The following RCN2 variants were observed in gnomAD, a reference collection of about 807,000 sequenced individuals.
RCN2 encodes reticulocalbin-2.
A neutral mutation model predicts 37.5 loss-of-function variants in RCN2; 23 were observed. The ratio of observed to expected loss-of-function variants is 0.61; its 90% CI spans 0.44 to 0.87. RCN2 has a LOEUF of 0.87. Among genes scored for constraint, RCN2 ranks in the 40% least tolerant of loss-of-function variants. RCN2 has a pLI of 0.00. For missense variants in RCN2, 381 were observed against 390.4 expected (o/e 0.98, Z 0.20); for synonymous variants, 140 against 144.6 (o/e 0.97, Z 0.23).
At chr15:76,940,533 A>G (rs912905688) in intron 3 of RCN2, among the ~76,000 whole-genome samples, 3 of 149,430 alleles carry the variant, frequency 2.0e-5, no homozygotes, top group African/African-American at 4.9e-5. Context: ...TCAGCTTAAT[A>G]TCTGAACTTC....
At position 76,943,887 on chromosome 15, in the gene RCN2, T is replaced by C. The variant is rs1472395959; in HGVS notation, c.561+16T>C. ...TTATATGACGGTAAGAAAGAAACATTTTTAAGAGAATTATTGAGTGACCAA... is the reference window on the plus strand; with the variant it reads ...TTATATGACGGTAAGAAAGAAACATCTTTAAGAGAATTATTGAGTGACCAA... On this transcript the variant is annotated intron_variant, in intron 4 of 6. Coordinates refer to ENST00000394885, the MANE Select transcript of RCN2 (RefSeq NM_002902.3). 2 of 1,448,640 alleles carry C rather than the reference T, an allele frequency of 1.4e-6. No individual in the cohort carries two copies. Among genetic ancestry groups the C allele is most frequent in the African/African-American group, 2.8e-5 (2 of 70,934 alleles). 89.7% of individuals were successfully genotyped at this position (1,448,640 alleles called of 1,614,324 possible).
Position 76,954,076 on chromosome 15 carries a change from A to G in RCN2, c.*4854A>G, listed in dbSNP as rs1227758057. The G allele has an allele frequency of 7.3e-6, 1 of 136,906 alleles. No individual in the cohort carries two copies. Among genetic ancestry groups the G allele is most frequent in the Admixed American group, 7.7e-5 (1 of 12,950 alleles). 8.5% of individuals were successfully genotyped at this position (136,906 alleles called of 1,614,324 possible). A position where few individuals can be genotyped will look rare whatever the true frequency, so the allele number is the denominator to read the frequency against. ...TTCTTTTTTTTTTTTAATAGTAGCC[A>G]TCCTGTTGGGTGAGACGTGGTATCT... On this transcript the variant is annotated 3_prime_UTR_variant, in exon 7 of 7. Transcript: ENST00000394885.
intron 3 of RCN2, among the ~76,000 whole-genome samples, chr15:76,940,794 T>G (rs2075274019): frequency 6.6e-6 from 1 of 152,030 alleles, no homozygotes; most frequent in Admixed American, 6.6e-5. Flanking sequence ...ACTCCTGACC[T>G]CAAGTGATCC....
rs2075334218 is a variant in RCN2, at chr15:76,953,602, T to TAA, written c.*4380_*4381insAA. On this transcript the variant is annotated 3_prime_UTR_variant, in exon 7 of 7. Coordinates refer to ENST00000394885, the MANE Select transcript of RCN2 (RefSeq NM_002902.3). ...ATATATATATATATATATTTTTTTT[T>TAA]TTTTTTTTTTTTTTTTTTTTTTTGA... 1.6e-5 allele frequency: 1 copy of TAA among 63,744 alleles called. No individual in the cohort carries two copies. The highest frequency in any genetic ancestry group is 1.6e-4 in the Admixed American group (1 of 6,422). The allele number at this position is 63,744 out of a possible 1,614,324, so 3.9% of individuals were successfully genotyped here.
At chr15:76,934,769 CTG>C (rs918063814) in intron 2 of RCN2, among the ~76,000 whole-genome samples, 2 of 152,084 alleles carry the variant, frequency 1.3e-5, no homozygotes, top group Admixed American at 6.5e-5. Context: ...ATAAAAAACA[CTG>C]TTTTTTCTCA....
intron 3 of RCN2, among the ~76,000 whole-genome samples, chr15:76,939,675 T>C (rs954064232): frequency 3.3e-5 from 5 of 152,232 alleles, no homozygotes; most frequent in African/African-American, 1.2e-4. Context: ...CAATGTAACT[T>C]ATCTAAAACC....
chr15:76,947,732 C>CA (rs2075302518), intron 5 of RCN2: 3 of 442,868 alleles, frequency 6.8e-6, no homozygotes, highest in Non-Finnish European at 1.2e-5. Context: ...TGTCTAGAGT[C>CA]AAACATTTTT....
chr15:76,937,938 A>T (rs940861277), intron 3 of RCN2, among the ~76,000 whole-genome samples: 1 of 152,208 alleles, frequency 6.6e-6, no homozygotes, highest in African/African-American at 2.4e-5. Flanking sequence ...TTTCAAAGCT[A>T]ATTTTAAAGA....
chr15:76,947,785 G>T (rs551367604), intron 5 of RCN2: 11 of 356,364 alleles, frequency 3.1e-5, no homozygotes, highest in Admixed American at 4.9e-5. Context: ...AGTTTAAATG[G>T]GGAAGGAAGT....
intron 2 of RCN2, among the ~76,000 whole-genome samples, chr15:76,933,455 A>T (rs527871652): frequency 3.9e-5 from 6 of 152,210 alleles, no homozygotes; most frequent in African/African-American, 1.4e-4. Flanking sequence ...TTGGTCTCTG[A>T]TTATCCAATC....
In RCN2 at chr15:76,935,742, C is replaced by A; in HGVS notation, c.447+20C>A. 6.3e-7 allele frequency: 1 copy of A among 1,588,146 alleles called. No individual in the cohort carries two copies. Among genetic ancestry groups the A allele is most frequent in the Non-Finnish European group, 8.6e-7 (1 of 1,162,970 alleles). On this transcript the variant is annotated intron_variant, in intron 3 of 6. Coordinates refer to ENST00000394885, the MANE Select transcript of RCN2 (RefSeq NM_002902.3). ...AGGAAGGTGAGTTCATGTGCACAAG[C>A]TGTTTCTTTTGATCATGTCAGTTCA...
chr15:76,947,320 C>A (rs575273751), intron 4 of RCN2, 101 bp from the exon 5 acceptor site: 2 of 697,148 alleles, frequency 2.9e-6, no homozygotes, highest in African/African-American at 1.8e-5. Flanking sequence ...CAAAAATTAT[C>A]ATTTATTTCT....
chr15:76,934,679 A>G (rs1488305292), intron 2 of RCN2, among the ~76,000 whole-genome samples: 1 of 152,234 alleles, frequency 6.6e-6, no homozygotes. Context: ...CTACTTAACC[A>G]TCTATTATTT....
Position 76,949,222 on chromosome 15 carries a change from A to G in RCN2, c.954A>G (p.Ter318=). Residue 318 remains the stop codon, a stop_retained_variant, in exon 7 of 7, where the codon TAA becomes TAG. Coordinates refer to ENST00000394885, the MANE Select transcript of RCN2 (RefSeq NM_002902.3). ...HDDYFYHDEL[*] ...ACTATTTCTATCATGATGAGCTTTA[A>G]TCTCTGAGCCTGTCTCAGTAGAGTA... 6.2e-7 allele frequency: 1 copy of G among 1,601,420 alleles called. No homozygotes were observed. Among genetic ancestry groups the G allele is most frequent in the Non-Finnish European group, 8.5e-7 (1 of 1,174,566 alleles).
chr15:76,935,494 C>G lies in RCN2; in HGVS notation c.251-32C>G, dbSNP rs767415568. The G allele has an allele frequency of 2.6e-6, 4 of 1,536,946 alleles. No individual in the cohort carries two copies. The African/African-American group carries it at 4.1e-5, about 16-fold the overall frequency. On this transcript the variant is annotated intron_variant, in intron 2 of 6. Transcript: ENST00000394885. ...TACTCTTAAGTATCAGAATTAACGT[C>G]ACATGCGTTGTGTTCTGGGAAATTC...
intron 3 of RCN2, among the ~76,000 whole-genome samples, chr15:76,938,526 C>A (rs551369493): frequency 1.3e-5 from 2 of 152,136 alleles, no homozygotes; most frequent in East Asian, 3.9e-4. Context: ...GTGTTAAGTA[C>A]ATTCACAGTG....
chr15:76,944,616 TG>T (rs953134907), intron 4 of RCN2, among the ~76,000 whole-genome samples: 3 of 152,188 alleles, frequency 2.0e-5, no homozygotes, highest in African/African-American at 7.2e-5. Flanking sequence ...AGTGAGAACA[TG>T]GGATGTTTGT....
intron 3 of RCN2, among the ~76,000 whole-genome samples, chr15:76,940,986 T>C (rs2152650624): frequency 6.6e-6 from 1 of 152,234 alleles, no homozygotes; most frequent in South Asian, 2.1e-4. Flanking sequence ...CACAGGATAA[T>C]TAAAGTTTGG....
chr15:76,934,142 G>GT (rs1257658118), intron 2 of RCN2, among the ~76,000 whole-genome samples: 55 of 151,122 alleles, frequency 3.6e-4, no homozygotes, highest in Non-Finnish European at 3.7e-4. Context: ...TTTATGAATA[G>GT]TTTTTTGTTT....
Sources: allele counts gnomAD v4.1 joint callset (sites outside exome capture counted in the v4.1 genomes callset), GRCh38; gene constraint gnomAD v4.1.1; transcripts MANE v1.5; gene names NCBI Gene and HGNC (gene_info 2026-07-23, HGNC 2026-07-21).